ORC3: variants seen among roughly 807,000 people sequenced by gnomAD.
The protein encoded by ORC3 is homolog of latheo, Drosophila.
A neutral mutation model predicts 100.7 loss-of-function variants in ORC3; 78 were observed. The observed-to-expected ratio is 0.77, with a 90% CI of 0.65 to 0.94. ORC3 has a LOEUF of 0.94. Ranked by LOEUF, ORC3 falls within the 40% of genes least tolerant of loss-of-function variation. The pLI is 0.00. For missense variants in ORC3, 789 were observed against 823.9 expected (o/e 0.96, Z 0.52); for synonymous variants, 295 against 289.3 (o/e 1.02, Z -0.20).
chr6:87,676,695 G>A, the ORC3 span, among the ~76,000 whole-genome samples: 1 of 151,490 alleles, frequency 6.6e-6, no homozygotes, highest in Non-Finnish European at 1.5e-5. Context: ...CAGGAGAATC[G>A]CTTGAGCCCG....
intron 13 of ORC3, among the ~76,000 whole-genome samples, chr6:87,637,345 G>A (rs1767904206): frequency 6.6e-6 from 1 of 152,128 alleles, no homozygotes; most frequent in South Asian, 2.1e-4. Context: ...TGATCTAGCA[G>A]GTGCAGCTTA....
At chr6:87,639,695 A>G (rs915291162) in intron 13 of ORC3, among the ~76,000 whole-genome samples, 3 of 152,022 alleles carry the variant, frequency 2.0e-5, no homozygotes, top group Non-Finnish European at 2.9e-5. Flanking sequence ...TTGAGAAAGA[A>G]GAGGCCAGGC....
intron 9 of ORC3, among the ~76,000 whole-genome samples, chr6:87,620,944 T>TACCTAC (rs1779491566): frequency 3.3e-5 from 5 of 152,198 alleles, no homozygotes; most frequent in Non-Finnish European, 7.4e-5. Context: ...ATTGCAGCAT[T>TACCTAC]ATTTTTTGTA....
At chr6:87,639,965 C>G (rs1768115092) in intron 13 of ORC3, among the ~76,000 whole-genome samples, 1 of 152,044 alleles carries the variant, frequency 6.6e-6, no homozygotes, top group Non-Finnish European at 1.5e-5. Context: ...CCACTTCACT[C>G]CAGCCTGGGT....
chr6:87,647,957 T>C (rs770751138), intron 13 of ORC3, among the ~76,000 whole-genome samples: 1 of 152,214 alleles, frequency 6.6e-6, no homozygotes, highest in South Asian at 2.1e-4. Context: ...CCCAGCACTT[T>C]GGGAGGCCGA....
In ORC3 at chr6:87,603,377, T is replaced by C; in HGVS notation, c.178-7T>C. On this transcript the variant is annotated splice_polypyrimidine_tract_variant and splice_region_variant and intron_variant, in intron 3 of 19. Transcript: ENST00000392844. ...AATAATAATAAGTTTTTGTGTGTTCTTTGTAGCGACTACAAGAGGAATTAA... is the reference window on the plus strand; with the variant it reads ...AATAATAATAAGTTTTTGTGTGTTCCTTGTAGCGACTACAAGAGGAATTAA... 1.4e-6 allele frequency: 2 copies of C among 1,426,728 alleles called. No homozygotes were observed. Among genetic ancestry groups the C allele is most frequent in the South Asian group, 1.6e-5 (1 of 62,042 alleles). 88.4% of individuals were successfully genotyped at this position (1,426,728 alleles called of 1,614,324 possible). A position where few individuals can be genotyped will look rare whatever the true frequency, so the allele number is the denominator to read the frequency against.
chr6:87,662,639 C>A (rs1770282146), intron 16 of ORC3, among the ~76,000 whole-genome samples: 1 of 152,130 alleles, frequency 6.6e-6, no homozygotes, highest in Non-Finnish European at 1.5e-5. Flanking sequence ...GAAATGCTAT[C>A]TTAAAGATTT....
At chr6:87,601,754 A>C (rs2128247500) in intron 2 of ORC3, 30 bp from the exon 3 acceptor site, 3 of 1,260,594 alleles carry the variant, frequency 2.4e-6, no homozygotes, top group Non-Finnish European at 3.5e-6. Flanking sequence ...ATATGAAAAA[A>C]GAAACTGACT....
At chr6:87,595,101 A>G (rs76564581) in intron 2 of ORC3, 1 of 152,234 alleles carries the variant, frequency 6.6e-6, no homozygotes, top group Non-Finnish European at 1.5e-5. Context: ...TGCATGTTCT[A>G]ACTTAGGGAT....
intron 13 of ORC3, chr6:87,651,020 A>G: frequency 2.7e-6 from 1 of 366,488 alleles, no homozygotes; most frequent in Non-Finnish European, 5.4e-6. Context: ...AGAAAAAACA[A>G]AAAAAGAATA....
chr6:87,645,097 T>C (rs1768652595), intron 13 of ORC3, among the ~76,000 whole-genome samples: 1 of 152,164 alleles, frequency 6.6e-6, no homozygotes, highest in African/African-American at 2.4e-5. Flanking sequence ...GGTTATTGCT[T>C]TGCCCATCCA....
intron 13 of ORC3, among the ~76,000 whole-genome samples, chr6:87,639,076 A>G (rs764431706): frequency 1.5e-4 from 23 of 152,150 alleles, no homozygotes; most frequent in Non-Finnish European, 2.8e-4. Flanking sequence ...TTTGAAACAT[A>G]AATGAATTTT....
At chr6:87,670,947 G>GAGA (rs1422492041), downstream of ORC3, among the ~76,000 whole-genome samples, 1 of 152,208 alleles carries the variant, frequency 6.6e-6, no homozygotes, top group African/African-American at 2.4e-5. Flanking sequence ...AGTTTTGTGG[G>GAGA]AGAAGAGCAT....
At chr6:87,618,403 T>A (rs1266625741) in intron 9 of ORC3, among the ~76,000 whole-genome samples, 1 of 136,790 alleles carries the variant, frequency 7.3e-6, no homozygotes, top group African/African-American at 2.9e-5. Context: ...GGCAACAGTG[T>A]GAGGCTCCAT....
intron 13 of ORC3, among the ~76,000 whole-genome samples, chr6:87,642,665 G>A (rs1351069179): frequency 1.3e-5 from 2 of 152,118 alleles, no homozygotes; most frequent in Non-Finnish European, 2.9e-5. Flanking sequence ...CACTTTGGGA[G>A]GCCGAGGCGG....
chr6:87,674,637 T>C, the ORC3 span, among the ~76,000 whole-genome samples: 1 of 146,238 alleles, frequency 6.8e-6, no homozygotes, highest in East Asian at 2.0e-4. Flanking sequence ...TATATATATA[T>C]ATATATTTTT....
At chr6:87,675,520 T>C in the ORC3 span, 1 of 1,570,178 alleles carries the variant, frequency 6.4e-7, no homozygotes. Flanking sequence ...GTATTGGCAT[T>C]GCTGCATGTC....
intron 16 of ORC3, among the ~76,000 whole-genome samples, chr6:87,661,871 C>T (rs963496720): frequency 1.1e-4 from 16 of 152,234 alleles, no homozygotes; most frequent in African/African-American, 3.9e-4. Flanking sequence ...TGCCACCCTC[C>T]AGGCATCCAG....
chr6:87,658,049 A>ATTT, intron 16 of ORC3, 31 bp downstream of exon 16: 2 of 1,178,554 alleles, frequency 1.7e-6, no homozygotes, highest in African/African-American at 1.5e-5. Flanking sequence ...TAAGAGCTAA[A>ATTT]AATCATGCTG....
Sources: gnomAD v4.1 joint callset for allele counts (sites outside exome capture counted in the v4.1 genomes callset) on GRCh38, gnomAD v4.1.1 for gene constraint, MANE v1.5 for transcripts, NCBI Gene and HGNC (gene_info 2026-07-23, HGNC 2026-07-21) for gene names.